MAP3K13: variants seen among roughly 807,000 people sequenced by gnomAD.
MAP3K13 encodes the protein mitogen-activated protein kinase kinase kinase 13, also known as leucine zipper-bearing kinase.
MAP3K13 carries 52 observed loss-of-function variants against 104.0 expected under a neutral mutation model. The ratio of observed to expected loss-of-function variants is 0.50; its 90% CI spans 0.40 to 0.63. The LOEUF (loss-of-function observed/expected upper bound fraction) is 0.63, where lower values mean the gene tolerates loss of function less well. Ranked by LOEUF, MAP3K13 falls within the 20% of genes least tolerant of loss-of-function variation. MAP3K13 has a pLI of 0.00. For missense variants in MAP3K13, 914 were observed against 1,218.5 expected (o/e 0.75, Z 3.72); for synonymous variants, 394 against 442.2 (o/e 0.89, Z 1.37).
In MAP3K13 at chr3:185,482,618, C is replaced by T. The variant is rs1718529504; in HGVS notation, c.*162C>T. The T allele has an allele frequency of 1.9e-6, 1 of 537,710 alleles. No individual in the cohort carries two copies. Among genetic ancestry groups the T allele is most frequent in the Admixed American group, 3.5e-5 (1 of 28,480 alleles). The allele number at this position is 537,710 out of a possible 1,614,324, so 33.3% of individuals were successfully genotyped here. On this transcript the variant is annotated 3_prime_UTR_variant, in exon 14 of 14. Transcript: ENST00000265026. The surrounding 1 kb of genome is among the most constrained non-coding windows in gnomAD (Gnocchi z 4.5). ...GAGCTGCAATAACAGGAACATGAGA[C>T]TTCGCAAATCTCTGGAAAATAATAT...
At chr3:185,434,985 T>TTTTG (rs376998066) in intron 2 of MAP3K13, among the ~76,000 whole-genome samples, 23 of 151,886 alleles carry the variant, frequency 1.5e-4, no homozygotes, top group East Asian at 5.8e-4. Context: ...TTATTTTTGT[T>TTTTG]TTTGTTTGTT....
At chr3:185,333,247 G>A (rs1722348917) in intron 2 of MAP3K13, among the ~76,000 whole-genome samples, 2 of 152,098 alleles carry the variant, frequency 1.3e-5, no homozygotes, top group Admixed American at 1.3e-4. Context: ...TCTACTAATA[G>A]CTGTGCAATC....
intron 7 of MAP3K13, among the ~76,000 whole-genome samples, chr3:185,457,445 G>T (rs1053944258): frequency 6.6e-6 from 1 of 152,196 alleles, no homozygotes; most frequent in Non-Finnish European, 1.5e-5. Flanking sequence ...TCTGGTGAGG[G>T]CCTGAGTTCT....
At position 185,318,181 on chromosome 3, in the gene MAP3K13, C is replaced by A. The variant is rs570113989; in HGVS notation, c.-86+32538C>A. The stretch of plus-strand genomic sequence containing the variant: ...ATCTCTTCTGGGTTGGCAAAATATC[C>A]AATGCTTTAAAAAAAATGGCTTCCC... On this transcript the variant is annotated intron_variant, in intron 2 of 14. Transcript: ENST00000424227. Among the ~76,000 whole-genome samples, 7 of 151,994 alleles carry A rather than the reference C, an allele frequency of 4.6e-5. No individual in the cohort carries two copies. The East Asian group carries it at 1.4e-3, about 29-fold the overall frequency.
chr3:185,313,471 G>A (rs1242264090), intron 2 of MAP3K13, among the ~76,000 whole-genome samples: 1 of 151,834 alleles, frequency 6.6e-6, no homozygotes, highest in Non-Finnish European at 1.5e-5. Flanking sequence ...GAGTTTCGCT[G>A]TGTTAGCCAG....
chr3:185,408,870 A>G (rs971582089), intron 1 of MAP3K13, among the ~76,000 whole-genome samples: 6 of 152,194 alleles, frequency 3.9e-5, no homozygotes, highest in African/African-American at 1.4e-4. Context: ...GCAACCTTGC[A>G]CTAATGGGAG....
chr3:185,346,445 A>T (rs1414090216), intron 2 of MAP3K13, among the ~76,000 whole-genome samples: 1 of 152,166 alleles, frequency 6.6e-6, no homozygotes, highest in African/African-American at 2.4e-5. Context: ...GCCTTTTTTC[A>T]CACTTTGTCA....
intron 2 of MAP3K13, among the ~76,000 whole-genome samples, chr3:185,346,008 C>G (rs1453916987): frequency 6.6e-6 from 1 of 152,010 alleles, no homozygotes; most frequent in Non-Finnish European, 1.5e-5. Flanking sequence ...CCTCACATAC[C>G]TATTATTTAT....
chr3:185,483,715 T>TTTTTTTTTTTGGTTTGTTGGTTTGG lies in MAP3K13; in HGVS notation c.*1269_*1270insGGTTTGTTGGTTTGGTTTTTTTTTT. On this transcript the variant is annotated 3_prime_UTR_variant, in exon 14 of 14. Coordinates refer to ENST00000265026, the MANE Select transcript of MAP3K13 (RefSeq NM_004721.5). ...ACTCATTCTATCTTAGAAGTTCTTTTTTTTTTTTTTTTTTTTGACAGAGTT... is the reference window on the plus strand; with the variant it reads ...ACTCATTCTATCTTAGAAGTTCTTTTTTTTTTTTTTGGTTTGTTGGTTTGGTTTTTTTTTTTTTTTTGACAGAGTT... The TTTTTTTTTTTGGTTTGTTGGTTTGG allele has an allele frequency of 5.9e-6, 1 of 168,492 alleles. No individual in the cohort carries two copies. The highest frequency in any genetic ancestry group is 1.2e-5 in the Non-Finnish European group (1 of 80,944). The allele number at this position is 168,492 out of a possible 1,614,324, so 10.4% of individuals were successfully genotyped here. A position where few individuals can be genotyped will look rare whatever the true frequency, so the allele number is the denominator to read the frequency against.
intron 2 of MAP3K13, among the ~76,000 whole-genome samples, chr3:185,312,046 G>A (rs1312397755): frequency 6.6e-6 from 1 of 152,238 alleles, no homozygotes; most frequent in Non-Finnish European, 1.5e-5. Context: ...TGGGTAAATA[G>A]CCACTGTGTC....
intron 1 of MAP3K13, among the ~76,000 whole-genome samples, chr3:185,380,157 G>A (rs1724635174): frequency 6.6e-6 from 1 of 151,424 alleles, no homozygotes; most frequent in Non-Finnish European, 1.5e-5. Context: ...TTGCCCTACA[G>A]CCTAGGCGAC....
At chr3:185,314,211 G>A (rs1330810873) in intron 2 of MAP3K13, among the ~76,000 whole-genome samples, 1 of 152,224 alleles carries the variant, frequency 6.6e-6, no homozygotes, top group Non-Finnish European at 1.5e-5. Context: ...ATAAATGCAA[G>A]TGAGTGCTCC....
Position 185,384,315 on chromosome 3 carries a change from T to TGTGC in MAP3K13, c.-86+20950_-86+20951insCGTG, listed in dbSNP as rs1194754512. On this transcript the variant is annotated intron_variant, in intron 1 of 13. Transcript: ENST00000265026. ...ACTAAATAGTATTCCATTCTGTGTG[T>TGTGC]GTGTGTGTGTGTGTGTGTGTGTGAG... 1.4e-4 allele frequency among the ~76,000 whole-genome samples: 21 copies of TGTGC among 151,718 alleles called. No homozygotes were observed. In the East Asian group the frequency reaches 1.7e-3, roughly 13 times the overall value.
chr3:185,406,382 A>T (rs1452554570), intron 1 of MAP3K13, among the ~76,000 whole-genome samples: 1 of 152,248 alleles, frequency 6.6e-6, no homozygotes, highest in Non-Finnish European at 1.5e-5. Flanking sequence ...TTATGCTAAC[A>T]CTTTAACTCT....
chr3:185,405,597 C>A (rs561182548), intron 1 of MAP3K13, among the ~76,000 whole-genome samples: 1 of 152,322 alleles, frequency 6.6e-6, no homozygotes, highest in East Asian at 1.9e-4. Context: ...CAGACAGCAG[C>A]CTCATCTCTC....
chr3:185,361,634 ACCTCGTGATCCGC>A (rs1223384962), upstream of MAP3K13, among the ~76,000 whole-genome samples: 1 of 152,040 alleles, frequency 6.6e-6, no homozygotes, highest in African/African-American at 2.4e-5. Flanking sequence ...TCGATCCCTG[ACCTCGTGATCCGC>A]CCACCTTGGC....
intron 2 of MAP3K13, among the ~76,000 whole-genome samples, chr3:185,305,646 AG>A (rs1362776215): frequency 6.6e-6 from 1 of 152,120 alleles, no homozygotes; most frequent in Non-Finnish European, 1.5e-5. Context: ...TTTCAACCCG[AG>A]GGACTTCCTT....
rs1721633912 is a variant in MAP3K13, at chr3:185,315,186, G to T, written c.-86+29543G>T. Among the ~76,000 whole-genome samples the T allele has an allele frequency of 6.6e-6, 1 of 152,018 alleles. No individual in the cohort carries two copies. The highest frequency in any genetic ancestry group is 2.4e-5 in the African/African-American group (1 of 41,378). ...AATTGCTTGAACCTGGGAGGCGGAG[G>T]TTGCAGTGAGCTGAGATCGCACCAC... is the stretch of plus-strand genomic sequence containing the variant. On this transcript the variant is annotated intron_variant, in intron 2 of 14. Coordinates refer to the MAP3K13 transcript ENST00000424227. The surrounding 1 kb of genome is among the most constrained non-coding windows in gnomAD (Gnocchi z 4.3).
At chr3:185,352,799 A>C (rs760592232) in intron 2 of MAP3K13, among the ~76,000 whole-genome samples, 4 of 152,208 alleles carry the variant, frequency 2.6e-5, no homozygotes, top group Non-Finnish European at 5.9e-5. Context: ...TCCTGTATCT[A>C]CTTATTACCT....
Sources: gnomAD v4.1 joint callset for allele counts (sites outside exome capture counted in the v4.1 genomes callset) on GRCh38, gnomAD v4.1.1 for gene constraint, Gnocchi (gnomAD v3.1) non-coding constraint, MANE v1.5 for transcripts, NCBI Gene and HGNC (gene_info 2026-07-23, HGNC 2026-07-21) for gene names.